HDAC4: variants seen among roughly 807,000 people sequenced by gnomAD.
HDAC4 encodes the protein histone deacetylase 4.
In HDAC4, 16 loss-of-function variants were observed where a neutral mutation model predicts 135.1. The ratio of observed to expected loss-of-function variants is 0.12; its 90% CI spans 0.08 to 0.18. The LOEUF (loss-of-function observed/expected upper bound fraction) is 0.18, where lower values mean the gene tolerates loss of function less well. HDAC4 is among the 10% of genes least tolerant of loss of function. The pLI is 1.00. For missense variants in HDAC4, 1,143 were observed against 1,511.8 expected, an observed-to-expected ratio of 0.76 and a Z score of 4.05; for synonymous variants, 685 against 653.4, an observed-to-expected ratio of 1.05 and a Z score of -0.74.
intron 1 of HDAC4, among the ~76,000 whole-genome samples, chr2:239,399,330 T>G (rs920946781): frequency 7.2e-5 from 11 of 152,242 alleles, no homozygotes; most frequent in African/African-American, 2.4e-4. Context: ...ATAACTTTTG[T>G]TGCTTTGTAA....
intron 6 of HDAC4, among the ~76,000 whole-genome samples, chr2:239,160,616 C>T (rs2042730588): frequency 1.3e-5 from 2 of 152,244 alleles, no homozygotes; most frequent in African/African-American, 4.8e-5. Context: ...TCTGGGGCTC[C>T]CCCAAGCTGC....
At chr2:239,320,567 A>C (rs1349713623) in intron 2 of HDAC4, among the ~76,000 whole-genome samples, 1 of 152,146 alleles carries the variant, frequency 6.6e-6, no homozygotes, top group African/African-American at 2.4e-5. Context: ...TTTAATCAAA[A>C]CTATTTTGCT....
intron 24 of HDAC4, among the ~76,000 whole-genome samples, chr2:239,056,964 G>C (rs1476294158): frequency 6.6e-6 from 1 of 152,216 alleles, no homozygotes; most frequent in Non-Finnish European, 1.5e-5. Context: ...GAAAAACCAT[G>C]AAAGACTGAG....
intron 16 of HDAC4, among the ~76,000 whole-genome samples, chr2:239,101,045 G>A (rs2037568658): frequency 6.6e-6 from 1 of 152,172 alleles, no homozygotes; most frequent in Non-Finnish European, 1.5e-5. Flanking sequence ...CTGAGCCTGA[G>A]CTGTCGGAGT....
Position 239,141,287 on chromosome 2 carries a change from A to G in HDAC4, c.866-1491T>C, listed in dbSNP as rs80198727. On this transcript the variant is annotated intron_variant, in intron 8 of 26. Coordinates refer to ENST00000543185, the MANE Select transcript of HDAC4 (RefSeq NM_001378414.1). The surrounding 1 kb of genome is among the most constrained non-coding windows in gnomAD (Gnocchi z 4.9). ...AGTCTAAACCTCCCAAGGGCAAACCAGGGTGTCCACCCAGAAGCCCTACAC... is the reference window on the plus strand; with the variant it reads ...AGTCTAAACCTCCCAAGGGCAAACCGGGGTGTCCACCCAGAAGCCCTACAC... 1.9e-4 allele frequency among the ~76,000 whole-genome samples: 29 copies of G among 152,174 alleles called. 2 individuals carry two copies. In the East Asian group the frequency reaches 5.6e-3, roughly 30 times the overall value.
rs2052130883 is a variant in HDAC4, at chr2:239,299,656, G to A, written c.22+53022C>T. Among the ~76,000 whole-genome samples the A allele has an allele frequency of 6.6e-6, 1 of 152,230 alleles. No individual in the cohort carries two copies. Among genetic ancestry groups the A allele is most frequent in the Admixed American group, 6.5e-5 (1 of 15,290 alleles). ...GCACTGAAACAAAAGCCAATTCCTT[G>A]AGTGAGAAGCGTCATGGGTAGAATC... On this transcript the variant is annotated intron_variant, in intron 2 of 26. Coordinates refer to ENST00000543185, the MANE Select transcript of HDAC4 (RefSeq NM_001378414.1). This position sits in a 1 kb window ranked among gnomAD's most constrained non-coding sequence, Gnocchi z 4.0.
At chr2:239,204,831 C>A (rs1249746253) in intron 3 of HDAC4, among the ~76,000 whole-genome samples, 2 of 152,174 alleles carry the variant, frequency 1.3e-5, no homozygotes, top group Admixed American at 1.3e-4. Flanking sequence ...CACGGAGGGG[C>A]CTCTGATGGC....
At chr2:239,061,133 TGAGTGTGA>T (rs1363458318) in intron 24 of HDAC4, among the ~76,000 whole-genome samples, 5 of 149,030 alleles carry the variant, frequency 3.4e-5, no homozygotes, top group African/African-American at 1.2e-4. Context: ...GGAGTGTGAC[TGAGTGTGA>T]GTGTGTGGTG....
At chr2:239,386,374 C>G (rs1460360982) in intron 1 of HDAC4, among the ~76,000 whole-genome samples, 1 of 152,144 alleles carries the variant, frequency 6.6e-6, no homozygotes, top group Non-Finnish European at 1.5e-5. Context: ...TGGGTCACAC[C>G]AGAGGCAGAT....
chr2:239,159,894 A>C (rs980040526), intron 6 of HDAC4, among the ~76,000 whole-genome samples: 1 of 152,290 alleles, frequency 6.6e-6, no homozygotes, highest in Non-Finnish European at 1.5e-5. Flanking sequence ...CCCTGGGGCC[A>C]ACCCGGATGC....
chr2:239,236,744 G>A, intron 2 of HDAC4, 80 bp from the exon 3 acceptor site: 1 of 1,001,248 alleles, frequency 1.0e-6, no homozygotes, highest in African/African-American at 1.6e-5. Flanking sequence ...TCTGCAGGGA[G>A]TAACTCCCCA....
chr2:239,057,125 G>A (rs530976239), intron 24 of HDAC4, among the ~76,000 whole-genome samples: 20 of 152,284 alleles, frequency 1.3e-4, no homozygotes, highest in African/African-American at 4.6e-4. Context: ...TGTGACAAAC[G>A]ACTCATATCG....
chr2:239,102,070 G>A (rs981898598), intron 16 of HDAC4, among the ~76,000 whole-genome samples: 2 of 102,440 alleles, frequency 2.0e-5, no homozygotes, highest in Non-Finnish European at 4.4e-5. Context: ...CCGGGTCCAC[G>A]TTCTGTGCCC....
chr2:239,300,937 T>G (rs2052215686), intron 2 of HDAC4, among the ~76,000 whole-genome samples: 1 of 152,214 alleles, frequency 6.6e-6, no homozygotes, highest in Non-Finnish European at 1.5e-5. Flanking sequence ...GTGGGACCCC[T>G]CCCTAGGGCA....
chr2:239,181,371 G>A (rs2044139097), intron 4 of HDAC4, among the ~76,000 whole-genome samples: 1 of 152,246 alleles, frequency 6.6e-6, no homozygotes, highest in African/African-American at 2.4e-5. Flanking sequence ...TGGCAGATGT[G>A]TGGGCACAGG....
intron 22 of HDAC4, among the ~76,000 whole-genome samples, chr2:239,077,250 G>A (rs551102721): frequency 2.6e-5 from 4 of 152,374 alleles, no homozygotes; most frequent in South Asian, 2.1e-4. Context: ...CCAGGTGAGC[G>A]GGTTTGCACC....
At chr2:239,096,826 C>A (rs1431169248) in intron 16 of HDAC4, among the ~76,000 whole-genome samples, 3 of 146,440 alleles carry the variant, frequency 2.0e-5, no homozygotes, top group African/African-American at 7.6e-5. Context: ...ATGCACAGAG[C>A]TGACTCAGGC....
At chr2:239,183,261 G>C (rs1247831730) in intron 4 of HDAC4, among the ~76,000 whole-genome samples, 1 of 152,230 alleles carries the variant, frequency 6.6e-6, no homozygotes, top group Non-Finnish European at 1.5e-5. Flanking sequence ...TCTGACTTCA[G>C]AATTTAATAT....
intron 3 of HDAC4, 101 bp downstream of exon 3, chr2:239,236,492 C>T: frequency 2.2e-6 from 2 of 916,048 alleles, no homozygotes. Flanking sequence ...CCACACCTCC[C>T]CCCTCGCCCT....
Sources: allele counts gnomAD v4.1 joint callset (sites outside exome capture counted in the v4.1 genomes callset), GRCh38; gene constraint gnomAD v4.1.1; non-coding constraint Gnocchi (gnomAD v3.1); transcripts MANE v1.5; gene names NCBI Gene and HGNC (gene_info 2026-07-23, HGNC 2026-07-21).